ZBTB20: variants seen among roughly 807,000 people sequenced by gnomAD.
ZBTB20 encodes the protein zinc finger and BTB domain-containing protein 20.
Under a neutral mutation model 56.9 loss-of-function variants are expected in ZBTB20, and 9 were observed. The ratio of observed to expected loss-of-function variants is 0.16; its 90% confidence interval spans 0.10 to 0.28. ZBTB20 has a LOEUF of 0.28. Among genes scored for constraint, ZBTB20 ranks in the 10% least tolerant of loss-of-function variants. The pLI, the probability that ZBTB20 is intolerant of heterozygous loss-of-function variation, is 1.00. For synonymous variants in ZBTB20, 417 were observed against 420.7 expected (o/e 0.99, Z 0.11); for missense variants, 655 against 1,003.0 (o/e 0.65, Z 4.69).
chr3:114,459,819 G>C (rs905739207), intron 7 of ZBTB20, among the ~76,000 whole-genome samples: 76 of 152,002 alleles, frequency 5.0e-4, no homozygotes, highest in African/African-American at 1.7e-3. Context: ...TTTATAGCAA[G>C]AAGTACTTAG....
intron 7 of ZBTB20, among the ~76,000 whole-genome samples, chr3:114,493,040 C>T (rs751068706): frequency 1.3e-5 from 2 of 152,238 alleles, no homozygotes; most frequent in Non-Finnish European, 2.9e-5. Context: ...TCTATCCCAA[C>T]TCCCTAACTT....
At chr3:114,894,696 T>C (rs2074797690) in intron 4 of ZBTB20, among the ~76,000 whole-genome samples, 1 of 152,152 alleles carries the variant, frequency 6.6e-6, no homozygotes, top group African/African-American at 2.4e-5. Flanking sequence ...TGGCCATCTA[T>C]ATGTCAAGGA....
At chr3:114,416,704 T>C (rs1197411609) in intron 7 of ZBTB20, among the ~76,000 whole-genome samples, 2 of 152,064 alleles carry the variant, frequency 1.3e-5, no homozygotes, top group African/African-American at 4.8e-5. Context: ...TTACTGCACA[T>C]AATCAGTCCC....
intron 7 of ZBTB20, among the ~76,000 whole-genome samples, chr3:114,409,126 T>TC (rs1491495848): frequency 4.7e-5 from 1 of 21,212 alleles, no homozygotes; most frequent in Non-Finnish European, 8.1e-5. Flanking sequence ...AAGGGAAGAC[T>TC]TTTTTTTTTT....
chr3:114,499,441 T>C (rs566627305), intron 7 of ZBTB20, among the ~76,000 whole-genome samples: 3 of 152,294 alleles, frequency 2.0e-5, no homozygotes, highest in African/African-American at 7.2e-5. Flanking sequence ...AGAAATACCT[T>C]GGAGTGAAGA....
intron 3 of ZBTB20, among the ~76,000 whole-genome samples, chr3:114,973,126 C>T (rs1445034799): frequency 6.6e-6 from 1 of 152,116 alleles, no homozygotes; most frequent in African/African-American, 2.4e-5. Context: ...AGAGAATTCT[C>T]GTTAACTACC....
rs2085319626 is a variant in ZBTB20 at position 114,387,699 on chromosome 3, CAGA to C, written c.-154+1303_-154+1305del. On this transcript the variant is annotated intron_variant, in intron 8 of 11. Transcript: ENST00000675478. The stretch of plus-strand genomic sequence containing the variant: ...AGTTACTCTGTGATGAAGAAAAACT[CAGA>C]AAACTATCCAGATGTGGGAATTTCT... 4 of 152,314 alleles carry C rather than the reference CAGA, an allele frequency of 2.6e-5. No homozygotes were observed. The South Asian group carries it at 8.3e-4, about 32-fold the overall frequency. 9.4% of individuals were successfully genotyped at this position (152,314 alleles called of 1,614,324 possible).
chr3:115,127,732 C>G (rs1045985177), intron 1 of ZBTB20, among the ~76,000 whole-genome samples: 1 of 151,922 alleles, frequency 6.6e-6, no homozygotes, highest in Admixed American at 6.6e-5. Context: ...CTCAACTGAC[C>G]GCTGAATAAG....
intron 3 of ZBTB20, among the ~76,000 whole-genome samples, chr3:114,965,238 G>T (rs2077603534): frequency 1.3e-5 from 2 of 152,026 alleles, no homozygotes; most frequent in South Asian, 4.1e-4. Flanking sequence ...GCAACTAAAA[G>T]TTGTATATAC....
intron 4 of ZBTB20, among the ~76,000 whole-genome samples, chr3:114,842,475 G>A (rs917399489): frequency 6.6e-6 from 1 of 152,008 alleles, no homozygotes; most frequent in Non-Finnish European, 1.5e-5. Flanking sequence ...TTGTGGATAT[G>A]GAAATTAACA....
intron 4 of ZBTB20, among the ~76,000 whole-genome samples, chr3:114,810,468 T>C (rs953236649): frequency 1.3e-5 from 2 of 152,200 alleles, no homozygotes; most frequent in African/African-American, 4.8e-5. Flanking sequence ...AATCACCCCC[T>C]TTCAGCAGTG....
chr3:114,744,572 TG>T (rs2066884467), intron 5 of ZBTB20, among the ~76,000 whole-genome samples: 1 of 152,054 alleles, frequency 6.6e-6, no homozygotes, highest in Non-Finnish European at 1.5e-5. Context: ...AGCGAGGGAA[TG>T]GGTTGTTAAT....
At chr3:114,587,248 C>T (rs371185853) in intron 6 of ZBTB20, among the ~76,000 whole-genome samples, 15 of 152,104 alleles carry the variant, frequency 9.9e-5, no homozygotes, top group African/African-American at 3.4e-4. Context: ...CTGCCCACCT[C>T]GGCCTCTCAA....
intron 4 of ZBTB20, among the ~76,000 whole-genome samples, chr3:114,875,438 CA>C (rs1262430876): frequency 2.8e-4 from 43 of 152,154 alleles, no homozygotes; most frequent in Middle Eastern, 6.8e-3. Context: ...ATATCCATAC[CA>C]GTTACCAAAA....
intron 6 of ZBTB20, among the ~76,000 whole-genome samples, chr3:114,587,546 C>T (rs557106695): frequency 1.3e-5 from 2 of 152,098 alleles, no homozygotes; most frequent in Non-Finnish European, 2.9e-5. Flanking sequence ...GTGTATTATA[C>T]AATTTACATG....
intron 6 of ZBTB20, among the ~76,000 whole-genome samples, chr3:114,657,381 A>G (rs1270032761): frequency 6.6e-6 from 1 of 152,186 alleles, no homozygotes; most frequent in Non-Finnish European, 1.5e-5. Flanking sequence ...TAACTTTGTA[A>G]ACTCAAACTC....
intron 3 of ZBTB20, among the ~76,000 whole-genome samples, chr3:114,923,282 G>A (rs538016218): frequency 2.7e-4 from 41 of 152,284 alleles, no homozygotes; most frequent in Admixed American, 1.1e-3. Context: ...TCTTGAAAAG[G>A]AACAAAGCTG....
intron 6 of ZBTB20, among the ~76,000 whole-genome samples, chr3:114,510,405 C>T (rs2045210424): frequency 6.6e-6 from 1 of 151,988 alleles, no homozygotes; most frequent in African/African-American, 2.4e-5. Flanking sequence ...TTAATTTTGT[C>T]AGTCTGCACA....
At chr3:114,409,292 C>T (rs1170045529) in intron 7 of ZBTB20, among the ~76,000 whole-genome samples, 2 of 151,916 alleles carry the variant, frequency 1.3e-5, no homozygotes, top group Non-Finnish European at 2.9e-5. Context: ...AATGCTCTTG[C>T]CTACACTTAG....
Sources: gnomAD v4.1 joint callset for allele counts (sites outside exome capture counted in the v4.1 genomes callset) on GRCh38, gnomAD v4.1.1 for gene constraint, MANE v1.5 for transcripts, NCBI Gene and HGNC (gene_info 2026-07-23, HGNC 2026-07-21) for gene names.